Variants in ZNF385D observed in about 807,000 individuals in gnomAD.
ZNF385D encodes zinc finger protein 659.
In ZNF385D, 15 loss-of-function variants were observed where a neutral mutation model predicts 35.8. The observed-to-expected ratio is 0.42, with a 90% CI of 0.28 to 0.64. The LOEUF (loss-of-function observed/expected upper bound fraction) is 0.64, where lower values mean the gene tolerates loss of function less well. ZNF385D is among the 30% of genes least tolerant of loss of function. ZNF385D has a pLI of 0.23. For missense variants in ZNF385D, 474 were observed against 494.6 expected (o/e 0.96, Z 0.39); for synonymous variants, 212 against 186.8 (o/e 1.13, Z -1.10).
Position 21,703,391 on chromosome 3 carries a change from A to G in ZNF385D, c.23-38363T>C, listed in dbSNP as rs375740618. Among the ~76,000 whole-genome samples the G allele has an allele frequency of 1.1e-4, 16 of 152,254 alleles. No individual in the cohort carries two copies. The East Asian group carries it at 1.7e-3, about 17-fold the overall frequency. On this transcript the variant is annotated intron_variant, in intron 1 of 7. Coordinates refer to ENST00000281523, the MANE Select transcript of ZNF385D (RefSeq NM_024697.3). ...ATAACATGTGGGAATTCTGGGAGAT[A>G]GAATTCAGCTTGAGATTTGGGTGGG...
chr3:21,933,393 A>C (rs1701108691), intron 3 of ZNF385D, among the ~76,000 whole-genome samples: 1 of 152,168 alleles, frequency 6.6e-6, no homozygotes, highest in Admixed American at 6.5e-5. Context: ...GAAATCATGT[A>C]ACTGTGAGCT....
chr3:22,032,534 G>T (rs1294941926), intron 3 of ZNF385D, among the ~76,000 whole-genome samples: 1 of 152,028 alleles, frequency 6.6e-6, no homozygotes, highest in Admixed American at 6.6e-5. Flanking sequence ...ATGAGATTTG[G>T]GTAGGGACAC....
intron 3 of ZNF385D, among the ~76,000 whole-genome samples, chr3:21,886,981 T>A (rs1262775837): frequency 2.6e-5 from 4 of 152,106 alleles, no homozygotes; most frequent in African/African-American, 9.7e-5. Context: ...TTCAAAGGAT[T>A]TAACATGTTC....
intron 2 of ZNF385D, among the ~76,000 whole-genome samples, chr3:22,212,834 CCTTT>C (rs888800145): frequency 3.3e-5 from 5 of 151,794 alleles, no homozygotes; most frequent in Admixed American, 2.0e-4. Flanking sequence ...TTATTTATGG[CCTTT>C]CTGAGAAGAA....
intron 3 of ZNF385D, among the ~76,000 whole-genome samples, chr3:21,551,309 T>A (rs1202747525): frequency 1.3e-5 from 2 of 152,186 alleles, no homozygotes; most frequent in Non-Finnish European, 2.9e-5. Flanking sequence ...AGCAGAGACA[T>A]GAACATTGTC....
chr3:21,832,998 A>C (rs1695098702), intron 3 of ZNF385D, among the ~76,000 whole-genome samples: 1 of 152,162 alleles, frequency 6.6e-6, no homozygotes, highest in Admixed American at 6.5e-5. Flanking sequence ...CTCTTCACCC[A>C]CAGCTTCTTT....
At chr3:22,056,511 T>C (rs966792378) in intron 3 of ZNF385D, among the ~76,000 whole-genome samples, 3 of 152,144 alleles carry the variant, frequency 2.0e-5, no homozygotes, top group Non-Finnish European at 2.9e-5. Context: ...TGACCCGTTA[T>C]AGGGTGTACA....
intron 2 of ZNF385D, among the ~76,000 whole-genome samples, chr3:22,296,556 G>T (rs1702590377): frequency 6.6e-6 from 1 of 152,106 alleles, no homozygotes; most frequent in African/African-American, 2.4e-5. Context: ...ACCTATGAAA[G>T]GAAAGGAGGT....
At chr3:21,890,147 A>G (rs1029838522) in intron 3 of ZNF385D, among the ~76,000 whole-genome samples, 2 of 152,190 alleles carry the variant, frequency 1.3e-5, no homozygotes, top group African/African-American at 4.8e-5. Flanking sequence ...AATTCAACCC[A>G]TAACATCCTA....
chr3:21,728,222 C>T (rs1361176247), intron 1 of ZNF385D, among the ~76,000 whole-genome samples: 4 of 151,560 alleles, frequency 2.6e-5, no homozygotes, highest in Non-Finnish European at 4.4e-5. Context: ...CACCATGTCA[C>T]GTGTATACCT....
intron 3 of ZNF385D, among the ~76,000 whole-genome samples, chr3:22,126,392 T>C (rs1703434232): frequency 6.6e-6 from 1 of 151,610 alleles, no homozygotes; most frequent in Admixed American, 6.6e-5. Flanking sequence ...TTGGGTATGT[T>C]GTGTTTCCAT....
intron 2 of ZNF385D, among the ~76,000 whole-genome samples, chr3:22,312,006 AATT>A (rs943748636): frequency 2.6e-5 from 4 of 152,232 alleles, no homozygotes; most frequent in Middle Eastern, 3.4e-3. Context: ...AGAATCCTAC[AATT>A]ATTATTTCCT....
chr3:22,157,215 G>C (rs528127380), intron 3 of ZNF385D, among the ~76,000 whole-genome samples: 2 of 152,106 alleles, frequency 1.3e-5, no homozygotes, highest in Admixed American at 6.6e-5. Context: ...CTTTGTATTA[G>C]TTTATGGTCT....
At chr3:21,883,249 G>T (rs995400122) in intron 3 of ZNF385D, among the ~76,000 whole-genome samples, 1 of 151,402 alleles carries the variant, frequency 6.6e-6, no homozygotes, top group Non-Finnish European at 1.5e-5. Context: ...TTTGTGCCTA[G>T]GAAAAATTCA....
intron 3 of ZNF385D, among the ~76,000 whole-genome samples, chr3:21,758,723 C>T (rs1422205778): frequency 1.3e-5 from 2 of 151,944 alleles, no homozygotes; most frequent in East Asian, 1.9e-4. Flanking sequence ...TTCTCAGATT[C>T]TCTCTCTCAT....
At chr3:21,772,625 T>C (rs1350275878) in intron 3 of ZNF385D, among the ~76,000 whole-genome samples, 2 of 152,008 alleles carry the variant, frequency 1.3e-5, no homozygotes, top group African/African-American at 4.8e-5. Context: ...TAAAACAGTA[T>C]AGTCATTGTG....
intron 3 of ZNF385D, among the ~76,000 whole-genome samples, chr3:22,094,377 T>A (rs868643435): frequency 3.1e-5 from 4 of 128,004 alleles, no homozygotes; most frequent in African/African-American, 9.4e-5. Flanking sequence ...CTTCTGTCAT[T>A]TATTGTTGAT....
chr3:21,589,787 T>C (rs1053606653), intron 2 of ZNF385D, among the ~76,000 whole-genome samples: 2 of 152,154 alleles, frequency 1.3e-5, no homozygotes, highest in African/African-American at 4.8e-5. Flanking sequence ...AAATTACTTT[T>C]GGATTCTACT....
At chr3:21,466,134 T>C (rs1703500280) in intron 4 of ZNF385D, among the ~76,000 whole-genome samples, 1 of 152,198 alleles carries the variant, frequency 6.6e-6, no homozygotes, top group Non-Finnish European at 1.5e-5. Flanking sequence ...TCTTCCATTA[T>C]ACCACCCCAT....
Sources: allele counts gnomAD v4.1 joint callset (sites outside exome capture counted in the v4.1 genomes callset), GRCh38; gene constraint gnomAD v4.1.1; transcripts MANE v1.5; gene names NCBI Gene and HGNC (gene_info 2026-07-23, HGNC 2026-07-21).